The following SEC22C variants were observed in gnomAD, a reference collection of about 807,000 sequenced individuals.
SEC22C encodes SEC22 homolog C, vesicle trafficking protein.
SEC22C carries 29 observed loss-of-function variants against 34.7 expected under a neutral mutation model. The ratio of observed to expected loss-of-function variants is 0.84; its 90% CI spans 0.62 to 1.14. SEC22C has a LOEUF of 1.14. Among genes scored for constraint, SEC22C ranks in the 50% most tolerant of loss-of-function variants. The probability of loss-of-function intolerance (pLI) is 0.00; values close to 1 mark genes in which losing one functional copy is unlikely to be tolerated. For synonymous variants in SEC22C, 117 were observed against 132.8 expected (o/e 0.88, Z 0.82); for missense variants, 337 against 369.0 (o/e 0.91, Z 0.71).
chr3:42,597,088 CTG>C (rs1188876213), intron 1 of SEC22C, among the ~76,000 whole-genome samples: 4 of 152,188 alleles, frequency 2.6e-5, no homozygotes, highest in African/African-American at 4.8e-5. Context: ...CTGTTCAAGT[CTG>C]TAATTGTCAG....
exon 1 of SEC22C, chr3:42,601,006 G>T (rs773657695): frequency 4.5e-6 from 7 of 1,567,054 alleles, no homozygotes; most frequent in Non-Finnish European, 6.0e-6. Flanking sequence ...CCTCGGTCGC[G>T]ATGGGGGCGC....
At chr3:42,600,974 T>C in exon 1 of SEC22C, 1 of 1,475,014 alleles carries the variant, frequency 6.8e-7, no homozygotes, top group Non-Finnish European at 9.1e-7. Flanking sequence ...TTTCTCCCCC[T>C]CTCTCCCAGC....
chr3:42,595,092 T>G (rs1257900138), intron 1 of SEC22C: 2 of 152,238 alleles, frequency 1.3e-5, no homozygotes, highest in Non-Finnish European at 2.9e-5. Flanking sequence ...ATAAAAACAA[T>G]ACTATTATCA....
chr3:42,585,194 T>C (rs1309111743), upstream of SEC22C, among the ~76,000 whole-genome samples: 4 of 152,148 alleles, frequency 2.6e-5, no homozygotes, highest in African/African-American at 9.7e-5. Flanking sequence ...TCAAAACTTG[T>C]GGTGCGAGTG....
At chr3:42,591,090 G>A in intron 1 of SEC22C, 3 of 1,108,724 alleles carry the variant, frequency 2.7e-6, no homozygotes, top group Non-Finnish European at 3.9e-6. Flanking sequence ...CTGAGCAGCC[G>A]GGGTGCGGGG....
intron 1 of SEC22C, chr3:42,594,579 T>C: frequency 7.4e-7 from 1 of 1,351,728 alleles, no homozygotes. Flanking sequence ...ATCCATCTCT[T>C]ACAAAATGGA....
At chr3:42,574,805 C>A (rs9828279) in intron 1 of SEC22C, among the ~76,000 whole-genome samples, 18 of 151,942 alleles carry the variant, frequency 1.2e-4, no homozygotes, top group East Asian at 1.9e-4. Context: ...CTAAAAAACA[C>A]TATAGATTAT....
Position 42,551,630 on chromosome 3 carries a change from G to A in SEC22C, c.*1618C>T, listed in dbSNP as rs1702263751. The A allele has an allele frequency of 1.1e-6, 1 of 937,546 alleles. No individual in the cohort carries two copies. The highest frequency in any genetic ancestry group is 4.9e-5 in the South Asian group (1 of 20,288). The allele number at this position is 937,546 out of a possible 1,614,324, so 58.1% of individuals were successfully genotyped here. On this transcript the variant is annotated 3_prime_UTR_variant, in exon 7 of 7. Transcript: ENST00000264454. ...TGGGAATACAGGCATGAGCCATCAT[G>A]CCTGGCCCATATCCAAATATTTTAT...
intron 1 of SEC22C, among the ~76,000 whole-genome samples, chr3:42,577,789 G>A (rs1282172576): frequency 6.6e-6 from 1 of 152,076 alleles, no homozygotes; most frequent in Non-Finnish European, 1.5e-5. Context: ...GGCCAACACG[G>A]TGAAACCCCA....
chr3:42,555,987 A>G lies in SEC22C; in HGVS notation c.654T>C (p.His218=). ...HLAEHSLQVA[H]EEIGNILAFL... is the part of the protein sequence containing the mutation. Reference sequence around the variant, plus strand: ...AAGCCAGAATGTTTCCAATTTCCTCATGGGCAACCTAAAACAAATACAAGG... The same window carrying G: ...AAGCCAGAATGTTTCCAATTTCCTCGTGGGCAACCTAAAACAAATACAAGG... Residue 218 remains histidine, a synonymous_variant, in exon 6 of 7, where the codon CAT becomes CAC. Coordinates refer to ENST00000264454, the MANE Select transcript of SEC22C (RefSeq NM_032970.4). 1.2e-6 allele frequency: 2 copies of G among 1,612,974 alleles called. No individual in the cohort carries two copies. Among genetic ancestry groups the G allele is most frequent in the Non-Finnish European group, 1.7e-6 (2 of 1,179,192 alleles).
In SEC22C at chr3:42,550,567, C is replaced by G; in HGVS notation, c.*2681G>C. On this transcript the variant is annotated 3_prime_UTR_variant, in exon 7 of 7. Coordinates refer to ENST00000264454, the MANE Select transcript of SEC22C (RefSeq NM_032970.4). ...TTCAGTCAAACAATGTTTTTGTGGT[C>G]ATTACTTGTACTGTTTTTCTAGTGC... 1 of 985,388 alleles carries G rather than the reference C, an allele frequency of 1.0e-6. No individual in the cohort carries two copies. The highest frequency in any genetic ancestry group is 1.7e-5 in the African/African-American group (1 of 57,340). The allele number at this position is 985,388 out of a possible 1,614,324, so 61.0% of individuals were successfully genotyped here. A position where few individuals can be genotyped will look rare whatever the true frequency, so the allele number is the denominator to read the frequency against.
At chr3:42,576,856 C>G (rs1703997650) in intron 1 of SEC22C, among the ~76,000 whole-genome samples, 1 of 151,844 alleles carries the variant, frequency 6.6e-6, no homozygotes, top group African/African-American at 2.4e-5. Context: ...ATAGGAAAAA[C>G]CATGCTATCC....
intron 1 of SEC22C, 44 bp from the exon 2 acceptor site, chr3:42,569,117 G>A: frequency 7.4e-7 from 1 of 1,343,252 alleles, no homozygotes; most frequent in Non-Finnish European, 1.0e-6. Context: ...TCAAATGACA[G>A]TGCCAGAAAT....
chr3:42,550,255 T>A lies in SEC22C; in HGVS notation c.*2993A>T. 1.0e-6 allele frequency: 1 copy of A among 985,470 alleles called. No individual in the cohort carries two copies. The highest frequency in any genetic ancestry group is 1.2e-6 in the Non-Finnish European group (1 of 829,950). The allele number at this position is 985,470 out of a possible 1,614,324, so 61.0% of individuals were successfully genotyped here. A position where few individuals can be genotyped will look rare whatever the true frequency, so the allele number is the denominator to read the frequency against. On this transcript the variant is annotated 3_prime_UTR_variant, in exon 7 of 7. Coordinates refer to ENST00000264454, the MANE Select transcript of SEC22C (RefSeq NM_032970.4). The stretch of plus-strand genomic sequence containing the variant: ...AAGTTTTGTTTTCAACATTATTTCA[T>A]CTATTCCCAGATCTAGTCCAGTGAT...
Position 42,561,221 on chromosome 3 carries a change from A to T in SEC22C, c.422T>A (p.Ile141Asn). ...AGGCTGCAACTTGAGCTCCTCCTGA[A>T]TTTTTTCCAAGCTGCACTCCATCTG... Reference protein sequence around the residue: ...SSQMECSLEKIQEELKLQPPA... With the variant: ...SSQMECSLEKNQEELKLQPPA... Residue 141 changes from isoleucine (I) to asparagine (N), a missense_variant, in exon 4 of 7, where the codon ATT (isoleucine) becomes AAT (asparagine). Coordinates refer to ENST00000264454, the MANE Select transcript of SEC22C (RefSeq NM_032970.4). 2 of 1,614,086 alleles carry T rather than the reference A, an allele frequency of 1.2e-6. No homozygotes were observed. Among genetic ancestry groups the T allele is most frequent in the Non-Finnish European group, 8.5e-7 (1 of 1,180,018 alleles).
At chr3:42,576,489 TTAAA>T (rs1388158092) in intron 1 of SEC22C, among the ~76,000 whole-genome samples, 2 of 151,988 alleles carry the variant, frequency 1.3e-5, no homozygotes, top group African/African-American at 4.8e-5. Flanking sequence ...AAACCAAAAT[TTAAA>T]TACCATTTAT....
chr3:42,600,930 C>T (rs1347082640), intron 1 of SEC22C: 3 of 1,163,594 alleles, frequency 2.6e-6, no homozygotes, highest in African/African-American at 3.2e-5. Flanking sequence ...TCGCCCCTGC[C>T]CTCGCCCCCG....
intron 1 of SEC22C, among the ~76,000 whole-genome samples, chr3:42,577,411 T>G (rs1257739940): frequency 6.6e-6 from 1 of 152,052 alleles, no homozygotes; most frequent in African/African-American, 2.4e-5. Flanking sequence ...CTCTTGAAAT[T>G]CAACAGTGAA....
upstream of SEC22C, among the ~76,000 whole-genome samples, chr3:42,583,594 G>A (rs1458946361): frequency 6.6e-6 from 1 of 152,124 alleles, no homozygotes; most frequent in Non-Finnish European, 1.5e-5. Context: ...CTAGGTTAAG[G>A]GATACTCAGG....
Sources: gnomAD v4.1 joint callset for allele counts (sites outside exome capture counted in the v4.1 genomes callset) on GRCh38, gnomAD v4.1.1 for gene constraint, MANE v1.5 for transcripts, NCBI Gene and HGNC (gene_info 2026-07-23, HGNC 2026-07-21) for gene names.